CSMD2: variants seen among roughly 807,000 people sequenced by gnomAD.
CSMD2 encodes the protein CUB and sushi domain-containing protein 2.
In CSMD2, 130 loss-of-function variants were observed where a neutral mutation model predicts 398.5. The observed-to-expected ratio is 0.33, with a 90% CI of 0.28 to 0.38. CSMD2 has a LOEUF of 0.38. Ranked by LOEUF, CSMD2 falls within the 10% of genes least tolerant of loss-of-function variation. CSMD2 has a pLI of 1.00. For synonymous variants in CSMD2, 1,828 were observed against 1,908.5 expected, an observed-to-expected ratio of 0.96 and a Z score of 1.10; for missense variants, 3,829 against 4,764.9, an observed-to-expected ratio of 0.80 and a Z score of 5.78.
chr1:33,733,450 T>C (rs1413498216), intron 15 of CSMD2, among the ~76,000 whole-genome samples: 1 of 152,206 alleles, frequency 6.6e-6, no homozygotes, highest in Non-Finnish European at 1.5e-5. Flanking sequence ...TACATAACCA[T>C]TTTGAGCTTC....
intron 13 of CSMD2, among the ~76,000 whole-genome samples, chr1:33,771,869 A>G (rs963824225): frequency 1.1e-4 from 17 of 152,202 alleles, no homozygotes; most frequent in African/African-American, 3.9e-4. Context: ...CACAGAGACC[A>G]TGTCTGGGCC....
chr1:33,644,057 G>A (rs996573649), intron 29 of CSMD2, among the ~76,000 whole-genome samples: 3 of 152,136 alleles, frequency 2.0e-5, no homozygotes, highest in Admixed American at 1.3e-4. Flanking sequence ...TGGGGGATAC[G>A]TCTGTAGGAT....
chr1:33,788,324 A>C (rs896039060), intron 12 of CSMD2, among the ~76,000 whole-genome samples: 2 of 151,924 alleles, frequency 1.3e-5, no homozygotes, highest in African/African-American at 2.4e-5. Context: ...CTTGGCCAAC[A>C]TGGTGAGACC....
At chr1:34,085,751 C>G (rs1333368232) in intron 2 of CSMD2, among the ~76,000 whole-genome samples, 2 of 152,030 alleles carry the variant, frequency 1.3e-5, no homozygotes, top group African/African-American at 4.8e-5. Flanking sequence ...ATTAGAACGT[C>G]ATTTTATTTA....
intron 3 of CSMD2, among the ~76,000 whole-genome samples, chr1:33,942,866 C>G (rs962444856): frequency 6.6e-5 from 10 of 152,202 alleles, no homozygotes; most frequent in Non-Finnish European, 1.0e-4. Flanking sequence ...CCTAGAGTTT[C>G]CTGTCCTCCA....
At chr1:33,672,458 A>G (rs1644537978) in intron 25 of CSMD2, among the ~76,000 whole-genome samples, 1 of 152,240 alleles carries the variant, frequency 6.6e-6, no homozygotes, top group Non-Finnish European at 1.5e-5. Flanking sequence ...TAAACAAAGC[A>G]GCTGGGAAGC....
At chr1:33,827,444 C>A (rs948734849) in intron 6 of CSMD2, among the ~76,000 whole-genome samples, 9 of 152,180 alleles carry the variant, frequency 5.9e-5, no homozygotes, top group African/African-American at 2.2e-4. Context: ...GGTATCTCTA[C>A]GACTTGCTCC....
In CSMD2 at chr1:34,163,027, G is replaced by C. The variant is rs1172267718; in HGVS notation, c.187+1884C>G. The stretch of plus-strand genomic sequence containing the variant: ...CTGCGAGCAAATGGATCTCTATAGG[G>C]CAGGATTCCAGCACCGCTGAGCGGT... On this transcript the variant is annotated intron_variant, in intron 1 of 70. Transcript: ENST00000373381. This position sits in a 1 kb window ranked among gnomAD's most constrained non-coding sequence, Gnocchi z 5.4. Among the ~76,000 whole-genome samples the C allele has an allele frequency of 1.3e-5, 2 of 152,208 alleles. No homozygotes were observed. The highest frequency in any genetic ancestry group is 6.5e-5 in the Admixed American group (1 of 15,278).
At chr1:33,806,767 A>G (rs1490492901) in intron 10 of CSMD2, among the ~76,000 whole-genome samples, 2 of 152,206 alleles carry the variant, frequency 1.3e-5, no homozygotes, top group Non-Finnish European at 2.9e-5. Context: ...TACATTTGAA[A>G]TTAAAATAAA....
chr1:33,905,138 T>C (rs981914987), intron 5 of CSMD2, among the ~76,000 whole-genome samples: 3 of 152,068 alleles, frequency 2.0e-5, no homozygotes, highest in Admixed American at 2.0e-4. Context: ...TTAATATGCA[T>C]GAAGCCCAGA....
At chr1:33,632,319 G>A (rs1219328544) in intron 32 of CSMD2, among the ~76,000 whole-genome samples, 1 of 151,972 alleles carries the variant, frequency 6.6e-6, no homozygotes, top group Non-Finnish European at 1.5e-5. Context: ...AAAGCACCCT[G>A]AAGAAAATTA....
intron 55 of CSMD2, among the ~76,000 whole-genome samples, chr1:33,556,960 A>G (rs141007463): frequency 6.6e-6 from 1 of 152,134 alleles, no homozygotes; most frequent in Non-Finnish European, 1.5e-5. Context: ...TCTTTCCTTT[A>G]TAAATTACCC....
intron 3 of CSMD2, among the ~76,000 whole-genome samples, chr1:33,988,840 A>G (rs1038296651): frequency 6.6e-6 from 1 of 151,894 alleles, no homozygotes; most frequent in East Asian, 1.9e-4. Context: ...ACAACTGAAT[A>G]TTCACACAGG....
rs760761552 is a variant in CSMD2 at position 33,519,559 on chromosome 1, C to T, written c.10855G>A (p.Glu3619Lys). The stretch of plus-strand genomic sequence containing the variant: ...ACTGTGCTGACTGTGAACTCCGCCT[C>T]GCTGGCCATGATGTCTGTGGGCTGG... ...NIQPTDIMAS[E>K]AEFTVSTVCT... is the part of the protein sequence containing the mutation. The change falls in exon 70 of 71, where the codon GAG becomes AAG. Residue 3619 changes from glutamate (E) to lysine (K), a missense_variant. Physicochemically the swap from Glu to Lys is moderately conservative, Grantham distance 56. This residue lies in a region of CSMD2 where 917 missense variants were observed against 1,199.5 expected (regional missense o/e 0.76). Transcript: ENST00000373381. The surrounding 1 kb of genome is among the most constrained non-coding windows in gnomAD (Gnocchi z 5.6). 48 of 1,613,890 alleles carry T rather than the reference C, an allele frequency of 3.0e-5. No homozygotes were observed. Among genetic ancestry groups the T allele is most frequent in the Middle Eastern group, 1.6e-4 (1 of 6,066 alleles).
chr1:34,123,508 T>C (rs1490368774), intron 1 of CSMD2, among the ~76,000 whole-genome samples: 1 of 112,438 alleles, frequency 8.9e-6, no homozygotes, highest in East Asian at 2.6e-4. Context: ...CTCCAGCCAA[T>C]TAATCAAACT....
chr1:33,635,435 C>T lies in CSMD2; in HGVS notation c.4970-105G>A, dbSNP rs1642738764. The T allele has an allele frequency of 5.9e-6, 4 of 677,960 alleles. No individual in the cohort carries two copies. The highest frequency in any genetic ancestry group is 1.8e-5 in the African/African-American group (1 of 55,398). The allele number at this position is 677,960 out of a possible 1,614,324, so 42.0% of individuals were successfully genotyped here. A position where few individuals can be genotyped will look rare whatever the true frequency, so the allele number is the denominator to read the frequency against. On this transcript the variant is annotated intron_variant, in intron 30 of 70. Transcript: ENST00000373381. This position sits in a 1 kb window ranked among gnomAD's most constrained non-coding sequence, Gnocchi z 5.0. ...GAGCTTCTGGCCCCAGTAGGGCTGC[C>T]CTGAGGTGGGCAGGCCCTAGCTTGG...
chr1:34,102,728 C>G (rs1049695188), intron 1 of CSMD2, among the ~76,000 whole-genome samples: 1 of 152,116 alleles, frequency 6.6e-6, no homozygotes, highest in African/African-American at 2.4e-5. Context: ...AAGACTTCAG[C>G]CCAGAAAATG....
intron 46 of CSMD2, among the ~76,000 whole-genome samples, chr1:33,584,919 C>T (rs1024499079): frequency 2.6e-5 from 4 of 152,044 alleles, no homozygotes; most frequent in Non-Finnish European, 4.4e-5. Flanking sequence ...TTCGTTATTT[C>T]GTCATCACCA....
In CSMD2 at chr1:33,820,388, C is replaced by T. The variant is rs570085827; in HGVS notation, c.1199+81G>A. The T allele has an allele frequency of 2.0e-5, 18 of 886,190 alleles. No individual in the cohort carries two copies. In the South Asian group the frequency reaches 2.4e-4, roughly 12 times the overall value. 54.9% of individuals were successfully genotyped at this position (886,190 alleles called of 1,614,324 possible). A position where few individuals can be genotyped will look rare whatever the true frequency, so the allele number is the denominator to read the frequency against. ...ATGCCATCCTCTCCATTTCCACCTG[C>T]AGGAAGGCCAGCCCCTGTCTTCCTC... is the stretch of plus-strand genomic sequence containing the variant. On this transcript the variant is annotated intron_variant, in intron 8 of 70. Transcript: ENST00000373381.
Sources: allele counts gnomAD v4.1 joint callset (sites outside exome capture counted in the v4.1 genomes callset), GRCh38; gene constraint gnomAD v4.1.1; regional missense constraint gnomAD v4.1.1; non-coding constraint Gnocchi (gnomAD v3.1); transcripts MANE v1.5; gene names NCBI Gene and HGNC (gene_info 2026-07-23, HGNC 2026-07-21).